The following LRRC4C variants were observed in gnomAD, a reference collection of about 807,000 sequenced individuals.
LRRC4C encodes the protein leucine-rich repeat-containing protein 4C.
LRRC4C carries 5 observed loss-of-function variants against 33.6 expected under a neutral mutation model. The observed-to-expected ratio is 0.15, with a 90% CI of 0.08 to 0.31. The LOEUF is 0.31. Ranked by LOEUF, LRRC4C falls within the 10% of genes least tolerant of loss-of-function variation. LRRC4C has a pLI of 1.00. For missense variants in LRRC4C, 560 were observed against 796.7 expected (o/e 0.70, Z 3.58); for synonymous variants, 329 against 302.0 (o/e 1.09, Z -0.93).
chr11:40,395,597 TA>T (rs1385012938), intron 3 of LRRC4C, among the ~76,000 whole-genome samples: 3 of 152,176 alleles, frequency 2.0e-5, no homozygotes, highest in African/African-American at 7.2e-5. Context: ...AGATATCACT[TA>T]ACTTTTTTGA....
chr11:40,861,750 G>A (rs1049405655), intron 2 of LRRC4C, among the ~76,000 whole-genome samples: 1 of 152,216 alleles, frequency 6.6e-6, no homozygotes, highest in Admixed American at 6.5e-5. Flanking sequence ...TATACAAGAT[G>A]CATGGTGCCA....
chr11:40,785,073 A>T lies in LRRC4C; in HGVS notation c.-406-136795T>A, dbSNP rs574798280. Among the ~76,000 whole-genome samples, 6 of 151,716 alleles carry T rather than the reference A, an allele frequency of 4.0e-5. No homozygotes were observed. In the East Asian group the frequency reaches 1.2e-3, roughly 29 times the overall value. On this transcript the variant is annotated intron_variant, in intron 2 of 6. Coordinates refer to ENST00000528697, the MANE Select transcript of LRRC4C (RefSeq NM_001258419.2). Reference sequence around the variant, plus strand: ...GCAATGATAATGTATGTGTAGATTTAGAATTTAGTGAAATCAGCTACAATT... The same window carrying T: ...GCAATGATAATGTATGTGTAGATTTTGAATTTAGTGAAATCAGCTACAATT...
intron 3 of LRRC4C, among the ~76,000 whole-genome samples, chr11:40,536,664 C>A (rs1417870124): frequency 6.6e-6 from 1 of 152,168 alleles, no homozygotes; most frequent in Non-Finnish European, 1.5e-5. Context: ...AGAACCTTTA[C>A]ATTTGCTAGT....
chr11:40,458,218 C>CTG lies in LRRC4C; in HGVS notation c.-269-138499_-269-138498dup, dbSNP rs1322660187. Among the ~76,000 whole-genome samples, 8 of 151,976 alleles carry CTG rather than the reference C, an allele frequency of 5.3e-5. No homozygotes were observed. In the East Asian group the frequency reaches 7.7e-4, roughly 15 times the overall value. ...ATCCTTGTTACCAGCCATGGACTGC[C>CTG]TGTGTGTGTGTCTGTGTGCGTGCAT... On this transcript the variant is annotated intron_variant, in intron 3 of 6. Transcript: ENST00000528697.
At chr11:40,562,602 A>ATCTAT (rs1269098372) in intron 3 of LRRC4C, among the ~76,000 whole-genome samples, 6 of 150,804 alleles carry the variant, frequency 4.0e-5, no homozygotes, top group Non-Finnish European at 5.9e-5. Flanking sequence ...AGAAACTCTA[A>ATCTAT]TCTATTCTAT....
intron 1 of LRRC4C, chr11:41,423,940 T>C (rs1402153237): frequency 9.8e-6 from 1 of 101,938 alleles, no homozygotes; most frequent in Non-Finnish European, 2.0e-5. Context: ...AACTGAATCA[T>C]GGACGCATGA....
intron 2 of LRRC4C, among the ~76,000 whole-genome samples, chr11:40,725,020 C>T (rs1947217938): frequency 6.6e-6 from 1 of 152,132 alleles, no homozygotes; most frequent in Admixed American, 6.5e-5. Context: ...AACAAGCTGA[C>T]CCATGTAATG....
intron 2 of LRRC4C, among the ~76,000 whole-genome samples, chr11:40,846,599 C>G (rs914976272): frequency 4.0e-5 from 6 of 151,066 alleles, no homozygotes; most frequent in African/African-American, 1.5e-4. Context: ...CCTGATGCTT[C>G]CAGCTTTGTT....
intron 1 of LRRC4C, among the ~76,000 whole-genome samples, chr11:41,419,232 C>G (rs1489779376): frequency 6.6e-6 from 1 of 151,904 alleles, no homozygotes; most frequent in Non-Finnish European, 1.5e-5. Flanking sequence ...CTGACCCATA[C>G]AGCTCCTGAT....
intron 2 of LRRC4C, among the ~76,000 whole-genome samples, chr11:40,877,721 T>C (rs1185811754): frequency 6.6e-6 from 1 of 152,178 alleles, no homozygotes; most frequent in Non-Finnish European, 1.5e-5. Flanking sequence ...TTTGACGAAG[T>C]GGTGGCCTTC....
intron 1 of LRRC4C, among the ~76,000 whole-genome samples, chr11:40,977,343 G>C (rs991251239): frequency 8.5e-5 from 13 of 152,154 alleles, no homozygotes; most frequent in African/African-American, 3.1e-4. Context: ...AGTGGAGTTT[G>C]CATGTACCAC....
chr11:40,383,868 T>C (rs1157902738), intron 3 of LRRC4C, among the ~76,000 whole-genome samples: 1 of 151,026 alleles, frequency 6.6e-6, no homozygotes, highest in East Asian at 1.9e-4. Context: ...TACTTTTTGT[T>C]GAGATAGGGT....
At chr11:40,506,264 C>T (rs542636330) in intron 3 of LRRC4C, among the ~76,000 whole-genome samples, 48 of 152,274 alleles carry the variant, frequency 3.2e-4, no homozygotes, top group African/African-American at 1.1e-3. Context: ...ACAGTTTTCT[C>T]TATGTAGGCT....
intron 4 of LRRC4C, among the ~76,000 whole-genome samples, chr11:40,253,174 C>A (rs1032849499): frequency 6.6e-6 from 1 of 152,138 alleles, no homozygotes; most frequent in Non-Finnish European, 1.5e-5. Context: ...GGTATATATA[C>A]TTTTATGTTC....
chr11:40,434,695 C>G (rs1344905401), intron 3 of LRRC4C, among the ~76,000 whole-genome samples: 1 of 152,200 alleles, frequency 6.6e-6, no homozygotes, highest in Admixed American at 6.5e-5. Context: ...TTCAGAATTA[C>G]TGTTGAACAC....
At chr11:40,159,680 C>G (rs1326127630) in intron 5 of LRRC4C, among the ~76,000 whole-genome samples, 1 of 152,164 alleles carries the variant, frequency 6.6e-6, no homozygotes, top group African/African-American at 2.4e-5. Flanking sequence ...ATTTGAATCA[C>G]TTCCGTACAA....
At chr11:40,663,195 C>T (rs1422810713) in intron 2 of LRRC4C, among the ~76,000 whole-genome samples, 2 of 152,168 alleles carry the variant, frequency 1.3e-5, no homozygotes, top group Admixed American at 6.5e-5. Flanking sequence ...CTTCTCCTCC[C>T]TCAGCCTCCT....
intron 1 of LRRC4C, among the ~76,000 whole-genome samples, chr11:41,234,424 T>A (rs1435464740): frequency 3.3e-5 from 5 of 152,028 alleles, no homozygotes; most frequent in Non-Finnish European, 7.4e-5. Flanking sequence ...CAGGAATATG[T>A]TATTATTAAC....
At chr11:40,861,960 C>T (rs536669991) in intron 2 of LRRC4C, among the ~76,000 whole-genome samples, 4 of 152,268 alleles carry the variant, frequency 2.6e-5, no homozygotes, top group African/African-American at 4.8e-5. Flanking sequence ...CAAACACCTT[C>T]CACCAGGTCC....
Sources: allele counts gnomAD v4.1 joint callset (sites outside exome capture counted in the v4.1 genomes callset), GRCh38; gene constraint gnomAD v4.1.1; transcripts MANE v1.5; gene names NCBI Gene and HGNC (gene_info 2026-07-23, HGNC 2026-07-21).